PPP1R10: variants seen among roughly 807,000 people sequenced by gnomAD.
The protein encoded by PPP1R10 is serine/threonine-protein phosphatase 1 regulatory subunit 10.
A neutral mutation model predicts 99.0 loss-of-function variants in PPP1R10; 15 were observed. That is an observed-to-expected ratio of 0.15 (90% CI 0.10 to 0.23). PPP1R10 has a LOEUF of 0.23. Ranked by LOEUF, PPP1R10 falls within the 10% of genes least tolerant of loss-of-function variation. The pLI is 1.00. For synonymous variants in PPP1R10, 430 were observed against 449.5 expected, an observed-to-expected ratio of 0.96 and a Z score of 0.55; for missense variants, 947 against 1,259.4, an observed-to-expected ratio of 0.75 and a Z score of 3.75.
At chr6:30,608,560 CA>C (rs1804210322) in intron 5 of PPP1R10, among the ~76,000 whole-genome samples, 1 of 152,212 alleles carries the variant, frequency 6.6e-6, no homozygotes, top group Non-Finnish European at 1.5e-5. Context: ...CTCAGCCTCT[CA>C]AAGTGCTGGG....
rs1803556982 is a variant in PPP1R10 at position 30,603,200 on chromosome 6, T to C, written c.1843+10A>G. ...TCCCCCAGTCCCCTGGGGCTGGCCC[T>C]GAAGATTACCCAGCATCTGCTTGAT... On this transcript the variant is annotated intron_variant, in intron 17 of 19. Coordinates refer to ENST00000376511, the MANE Select transcript of PPP1R10 (RefSeq NM_002714.4). 2 of 1,608,528 alleles carry C rather than the reference T, an allele frequency of 1.2e-6. No homozygotes were observed. The highest frequency in any genetic ancestry group is 1.7e-6 in the Non-Finnish European group (2 of 1,175,016).
rs761146106 is a variant in PPP1R10, at chr6:30,604,769, C to T, written c.955-34G>A. 5 of 1,612,522 alleles carry T rather than the reference C, an allele frequency of 3.1e-6. No homozygotes were observed. The Middle Eastern group carries it at 5.0e-4, about 160-fold the overall frequency. On this transcript the variant is annotated intron_variant, in intron 11 of 19. Coordinates refer to ENST00000376511, the MANE Select transcript of PPP1R10 (RefSeq NM_002714.4). The surrounding 1 kb of genome is among the most constrained non-coding windows in gnomAD (Gnocchi z 7.3). ...AAAGAAAAGGAAGTTAATGAACTGA[C>T]TGGAAAGCCAAGGGCAAGGCAATTA...
At position 30,601,922 on chromosome 6, in the gene PPP1R10, G is replaced by T; in HGVS notation, c.2713+14C>A. ...ACAACCAAAAGGCATATGGGGGACA[G>T]GGAGCATCCTCACCTCCTCCATGGC... On this transcript the variant is annotated intron_variant, in intron 19 of 19. Transcript: ENST00000376511. 6.7e-7 allele frequency: 1 copy of T among 1,498,146 alleles called. No individual in the cohort carries two copies. Among genetic ancestry groups the T allele is most frequent in the East Asian group, 2.3e-5 (1 of 43,240 alleles). The allele number at this position is 1,498,146 out of a possible 1,614,324, so 92.8% of individuals were successfully genotyped here.
In PPP1R10 at chr6:30,604,588, C is replaced by T. The variant is rs747005512; in HGVS notation, c.1102G>A (p.Ala368Thr). The T allele has an allele frequency of 1.3e-5, 21 of 1,612,894 alleles. No individual in the cohort carries two copies. The South Asian group carries it at 2.0e-4, about 15-fold the overall frequency. ...PVEVPELMDT[A>T]SLEPGALDAK... ...CAAACTGAACCAGTTTCTAGATTAC[C>T]TGTATCCATGAGCTCCGGGACTTCA... The change falls in exon 12 of 20, where the codon GCC (alanine) becomes ACC (threonine). Residue 368 changes from alanine to threonine, a missense_variant and splice_region_variant. Ala to Thr is a moderately conservative substitution (Grantham distance 58). This residue lies in a region of PPP1R10 where 100 missense variants were observed against 105.8 expected (regional missense o/e 0.94). Transcript: ENST00000376511. The surrounding 1 kb of genome is among the most constrained non-coding windows in gnomAD (Gnocchi z 7.3).
At position 30,601,459 on chromosome 6, in the gene PPP1R10, G is replaced by T; in HGVS notation, c.*90C>A. ...CGGCTCCTCATCAGCTGGGGAAAAG[G>T]GAAAATGGGCCTCACAGAAGCCATA... On this transcript the variant is annotated 3_prime_UTR_variant, in exon 20 of 20. Coordinates refer to ENST00000376511, the MANE Select transcript of PPP1R10 (RefSeq NM_002714.4). The T allele has an allele frequency of 8.7e-7, 1 of 1,151,044 alleles. No homozygotes were observed. Among genetic ancestry groups the T allele is most frequent in the African/African-American group, 1.5e-5 (1 of 65,186 alleles). 71.3% of individuals were successfully genotyped at this position (1,151,044 alleles called of 1,614,324 possible).
chr6:30,602,220 C>A lies in PPP1R10; in HGVS notation c.2429G>T (p.Gly810Val). The change falls in exon 19 of 20, where the codon GGC becomes GTC. Residue 810 changes from glycine to valine, a missense_variant. This residue lies in a region of PPP1R10 where 525 missense variants were observed against 578.8 expected (regional missense o/e 0.91). Coordinates refer to ENST00000376511, the MANE Select transcript of PPP1R10 (RefSeq NM_002714.4). The surrounding 1 kb of genome is among the most constrained non-coding windows in gnomAD (Gnocchi z 6.7). ...GCCTTCATGGGGACGATGGCCACTGCCACCACTGATGCCACCGCCAGGGCC... is the reference window on the plus strand; with the variant it reads ...GCCTTCATGGGGACGATGGCCACTGACACCACTGATGCCACCGCCAGGGCC... ...HEGPGGGISG[G>V]SGHRPHEGPG... is the part of the protein sequence containing the mutation. 1 of 1,612,048 alleles carries A rather than the reference C, an allele frequency of 6.2e-7. No homozygotes were observed. Among genetic ancestry groups the A allele is most frequent in the Non-Finnish European group, 8.5e-7 (1 of 1,179,386 alleles).
In PPP1R10 at chr6:30,601,984, C is replaced by A; in HGVS notation, c.2665G>T (p.Gly889Trp). 1 of 1,513,776 alleles carries A rather than the reference C, an allele frequency of 6.6e-7. No individual in the cohort carries two copies. The highest frequency in any genetic ancestry group is 2.3e-5 in the East Asian group (1 of 43,872). The allele number at this position is 1,513,776 out of a possible 1,614,324, so 93.8% of individuals were successfully genotyped here. Residue 889 changes from glycine to tryptophan, a missense_variant, in exon 19 of 20, where the codon GGG becomes TGG. By Grantham distance (184) the Gly-to-Trp change is radical (BLOSUM62 -2). Transcript: ENST00000376511. ...EHRGHDGPGH[G>W]GGGHRGHDGG... ...TCGTGCCCTCGGTGGCCCCCTCCCC[C>A]GTGGCCAGGACCATCATGGCCACGG...
chr6:30,606,481 C>T lies in PPP1R10; in HGVS notation c.621G>A (p.Lys207=). ...CGCCAGTCTTACCAGTGGAACGGAACTTGGCATGACTGGGTGCTGTGGTGC... is the reference window on the plus strand; with the variant it reads ...CGCCAGTCTTACCAGTGGAACGGAATTTGGCATGACTGGGTGCTGTGGTGC... The part of the protein sequence containing the change: ...SLRTTAPSHA[K]FRSTGLELET... The change falls in exon 8 of 20, where the codon AAG becomes AAA. Residue 207 remains lysine (K), a synonymous_variant. Transcript: ENST00000376511. The surrounding 1 kb of genome is among the most constrained non-coding windows in gnomAD (Gnocchi z 6.3). 6.2e-7 allele frequency: 1 copy of T among 1,613,054 alleles called. No homozygotes were observed. Among genetic ancestry groups the T allele is most frequent in the Non-Finnish European group, 8.5e-7 (1 of 1,180,038 alleles).
At chr6:30,601,730 C>A in intron 19 of PPP1R10, 72 bp from the exon 20 acceptor site, 1 of 1,435,004 alleles carries the variant, frequency 7.0e-7, no homozygotes, top group Non-Finnish European at 9.7e-7. Context: ...ACCCCTTGTC[C>A]ATGACATCCT....
chr6:30,613,578 C>CA (rs1432643088), intron 2 of PPP1R10, among the ~76,000 whole-genome samples: 2 of 152,166 alleles, frequency 1.3e-5, no homozygotes, highest in African/African-American at 4.8e-5. Context: ...ATGAGCTCCT[C>CA]AAAAGCTTAT....
In PPP1R10 at chr6:30,603,803, G is replaced by C. The variant is rs774544694; in HGVS notation, c.1549C>G (p.Pro517Ala). 5.8e-6 allele frequency: 9 copies of C among 1,542,764 alleles called. No individual in the cohort carries two copies. In the Admixed American group the frequency reaches 6.2e-5, roughly 11 times the overall value. The change falls in exon 15 of 20, where the codon CCT becomes GCT. Residue 517 changes from proline to alanine, a missense_variant. Coordinates refer to ENST00000376511, the MANE Select transcript of PPP1R10 (RefSeq NM_002714.4). ...PDPEPYEPIP[P>A]KLIPLDEECS... ...ACCTCATCTAGGGGGATGAGTTTAG[G>C]GGGTATGGGCTCGTAGGGCTCAGGA...
chr6:30,603,624 G>C lies in PPP1R10; in HGVS notation c.1615C>G (p.Pro539Ala), dbSNP rs1429245020. Residue 539 changes from proline (P) to alanine (A), a missense_variant, in exon 16 of 20, where the codon CCT (proline) becomes GCT (alanine). Pro to Ala is a conservative substitution (Grantham distance 27). Transcript: ENST00000376511. Reference sequence around the variant, plus strand: ...TCAGGTGAGCCACCTGACCCCCCAGGTTCCAGAGTCTCAACATACGGAGTC... The same window carrying C: ...TCAGGTGAGCCACCTGACCCCCCAGCTTCCAGAGTCTCAACATACGGAGTC... The part of the protein sequence containing the change: ...DETPYVETLE[P>A]GGSGGSPDGA... The C allele has an allele frequency of 1.9e-6, 3 of 1,612,952 alleles. No individual in the cohort carries two copies. Among genetic ancestry groups the C allele is most frequent in the South Asian group, 2.2e-5 (2 of 90,956 alleles).
rs1224732992 is a variant in PPP1R10, at chr6:30,602,333, G to A, written c.2316C>T (p.Gly772=). The change falls in exon 19 of 20, where the codon GGC becomes GGT. Residue 772 remains glycine (G), a synonymous_variant. Coordinates refer to ENST00000376511, the MANE Select transcript of PPP1R10 (RefSeq NM_002714.4). This position sits in a 1 kb window ranked among gnomAD's most constrained non-coding sequence, Gnocchi z 6.7. Reference sequence around the variant, plus strand: ...GCCCACTTCCCATGCCACCGCCAGGGCCTTCGTGGGGACGATGTCCACTGC... The same window carrying A: ...GCCCACTTCCCATGCCACCGCCAGGACCTTCGTGGGGACGATGTCCACTGC... ...GNSSGHRPHE[G]PGGGMGSGHR... 2.5e-6 allele frequency: 4 copies of A among 1,612,254 alleles called. No individual in the cohort carries two copies. Among genetic ancestry groups the A allele is most frequent in the South Asian group, 1.1e-5 (1 of 91,046 alleles).
intron 6 of PPP1R10, 108 bp downstream of exon 6, chr6:30,607,732 G>A (rs1349964311): frequency 1.5e-5 from 18 of 1,228,272 alleles, no homozygotes; most frequent in Middle Eastern, 1.9e-4. Context: ...GCAAGGTGAG[G>A]TAGAAAGAGA....
intron 10 of PPP1R10, 119 bp from the exon 11 acceptor site, chr6:30,605,213 TAAGCTC>T: frequency 1.2e-6 from 1 of 804,176 alleles, no homozygotes; most frequent in Middle Eastern, 2.7e-4. Flanking sequence ...TAGGACACGA[TAAGCTC>T]AAGAGGACCA....
In PPP1R10 at chr6:30,606,755, A is replaced by G; in HGVS notation, c.460+24T>C. On this transcript the variant is annotated intron_variant, in intron 7 of 19. Transcript: ENST00000376511. The surrounding 1 kb of genome is among the most constrained non-coding windows in gnomAD (Gnocchi z 6.3). ...CCCAATAGGAAAGAAATAAATACAA[A>G]GGATAAAGGACTAAGGAGCTTACCA... The G allele has an allele frequency of 1.2e-6, 2 of 1,611,970 alleles. No homozygotes were observed. The highest frequency in any genetic ancestry group is 1.7e-6 in the Non-Finnish European group (2 of 1,178,070).
At chr6:30,607,229 T>A (rs994798969) in intron 6 of PPP1R10, among the ~76,000 whole-genome samples, 1 of 152,234 alleles carries the variant, frequency 6.6e-6, no homozygotes, top group African/African-American at 2.4e-5. Context: ...AACTTATACA[T>A]GTAACCAAAA....
chr6:30,602,233 C>T lies in PPP1R10; in HGVS notation c.2416G>A (p.Gly806Ser), dbSNP rs1479700973. The T allele has an allele frequency of 1.2e-6, 2 of 1,611,732 alleles. No homozygotes were observed. The highest frequency in any genetic ancestry group is 2.7e-5 in the African/African-American group (2 of 74,872). The change falls in exon 19 of 20, where the codon GGC (glycine) becomes AGC (serine). Residue 806 changes from glycine to serine, a missense_variant. By Grantham distance (56) the Gly-to-Ser change is moderately conservative (BLOSUM62 0). Around this residue, in one of 10 missense-constraint regions of PPP1R10, gnomAD observed 525 missense variants for 578.8 expected, o/e 0.91. Transcript: ENST00000376511. This position sits in a 1 kb window ranked among gnomAD's most constrained non-coding sequence, Gnocchi z 6.7. Reference sequence around the variant, plus strand: ...CGATGGCCACTGCCACCACTGATGCCACCGCCAGGGCCTTCGTGGGGACGA... The same window carrying T: ...CGATGGCCACTGCCACCACTGATGCTACCGCCAGGGCCTTCGTGGGGACGA... Reference protein sequence around the residue: ...GHRPHEGPGGGISGGSGHRPH... With the variant: ...GHRPHEGPGGSISGGSGHRPH...
At chr6:30,611,444 G>GT (rs1561847901) in intron 2 of PPP1R10, among the ~76,000 whole-genome samples, 1 of 152,218 alleles carries the variant, frequency 6.6e-6, no homozygotes, top group African/African-American at 2.4e-5. Context: ...TAGCACAGAA[G>GT]TAACAGACAC....
Sources: gnomAD v4.1 joint callset for allele counts (sites outside exome capture counted in the v4.1 genomes callset) on GRCh38, gnomAD v4.1.1 for gene constraint, gnomAD v4.1.1 regional missense constraint, Gnocchi (gnomAD v3.1) non-coding constraint, MANE v1.5 for transcripts, NCBI Gene and HGNC (gene_info 2026-07-23, HGNC 2026-07-21) for gene names.